Variants in SAMSN1 observed in about 807,000 individuals in gnomAD.
SAMSN1 encodes the protein SAM domain, SH3 domain and nuclear localization signals 1.
SAMSN1 carries 31 observed loss-of-function variants against 42.0 expected under a neutral mutation model. That is an observed-to-expected ratio of 0.74 (90% CI 0.55 to 1.00). The LOEUF is 1.00. SAMSN1 is among the 50% of genes least tolerant of loss of function. The pLI is 0.00. For synonymous variants in SAMSN1, 178 were observed against 151.9 expected (o/e 1.17, Z -1.26); for missense variants, 464 against 439.4 (o/e 1.06, Z -0.50).
chr21:14,613,102 G>T (rs1156889130), intron 3 of SAMSN1, among the ~76,000 whole-genome samples: 7 of 152,080 alleles, frequency 4.6e-5, no homozygotes, highest in Non-Finnish European at 8.8e-5. Flanking sequence ...TACAATTTGG[G>T]TCTGTAAATT....
rs564110584 is a variant in SAMSN1 at position 14,506,961 on chromosome 21, G to A, written c.561+3349C>T. 2.8e-4 allele frequency among the ~76,000 whole-genome samples: 42 copies of A among 152,262 alleles called. No homozygotes were observed. The East Asian group carries it at 8.1e-3, about 29-fold the overall frequency. ...CAAAAATCACATGATCATCTCAATA[G>A]ATGCAGAAAAAGCATTAGACAAAAT... On this transcript the variant is annotated intron_variant, in intron 5 of 7. Coordinates refer to ENST00000400566, the MANE Select transcript of SAMSN1 (RefSeq NM_022136.5).
At chr21:14,655,073 T>G (rs1983895080) in intron 1 of SAMSN1, among the ~76,000 whole-genome samples, 1 of 151,480 alleles carries the variant, frequency 6.6e-6, no homozygotes, top group South Asian at 2.1e-4. Context: ...TAAATAAAAA[T>G]GTAATATTAA....
At chr21:14,612,517 A>AT (rs1982734206) in intron 4 of SAMSN1, 3 of 396,884 alleles carry the variant, frequency 7.6e-6, no homozygotes, top group African/African-American at 2.1e-5. Flanking sequence ...CTTTCTGCTA[A>AT]TTTTTTATTG....
chr21:14,574,429 C>T (rs571759076), intron 2 of SAMSN1, among the ~76,000 whole-genome samples: 28 of 152,196 alleles, frequency 1.8e-4, no homozygotes, highest in African/African-American at 6.3e-4. Flanking sequence ...TAAACAAGCA[C>T]AGAGTGAAAA....
At chr21:14,492,671 A>C (rs552732522) in intron 7 of SAMSN1, among the ~76,000 whole-genome samples, 1 of 152,290 alleles carries the variant, frequency 6.6e-6, no homozygotes, top group South Asian at 2.1e-4. Context: ...TTCACTGGAA[A>C]TTTTCTGGTA....
intron 1 of SAMSN1, among the ~76,000 whole-genome samples, chr21:14,542,031 G>A (rs1298863238): frequency 6.6e-6 from 1 of 151,508 alleles, no homozygotes; most frequent in Non-Finnish European, 1.5e-5. Context: ...AGGAACGAAC[G>A]GAAAAGAAAG....
In SAMSN1 at chr21:14,500,568, G is replaced by A. The variant is rs1248907032; in HGVS notation, c.729C>T (p.Ser243=). The A allele has an allele frequency of 4.3e-6, 7 of 1,613,856 alleles. No homozygotes were observed. The highest frequency in any genetic ancestry group is 5.9e-6 in the Non-Finnish European group (7 of 1,179,984). ...KANRRSNSKK[S]KTLQEFLERI... is the part of the protein sequence containing the mutation. ...TCTCTAGGAACTCCTGCAGAGTCTT[G>A]GATTTTTTGCTGTTACTCCTTCGGT... The change falls in exon 6 of 8, where the codon TCC becomes TCT. Residue 243 remains serine (S), a synonymous_variant. Transcript: ENST00000400566.
At chr21:14,590,251 A>G (rs967188949) in intron 7 of SAMSN1, among the ~76,000 whole-genome samples, 3 of 127,122 alleles carry the variant, frequency 2.4e-5, no homozygotes, top group Non-Finnish European at 4.9e-5. Flanking sequence ...TTTTGTAATT[A>G]GCATAATTGG....
chr21:14,623,797 C>T (rs1983085439), intron 2 of SAMSN1, among the ~76,000 whole-genome samples: 1 of 152,176 alleles, frequency 6.6e-6, no homozygotes. Context: ...CTACAGAACT[C>T]TCCACCCCAA....
intron 2 of SAMSN1, among the ~76,000 whole-genome samples, chr21:14,624,514 C>G (rs1258997085): frequency 3.3e-5 from 5 of 152,164 alleles, no homozygotes; most frequent in African/African-American, 1.2e-4. Context: ...CGCAAATAAA[C>G]TACAAAATCT....
chr21:14,556,202 G>T (rs1181827947), intron 2 of SAMSN1, among the ~76,000 whole-genome samples: 6 of 152,040 alleles, frequency 3.9e-5, no homozygotes, highest in South Asian at 2.1e-4. Context: ...TATTTTTCAG[G>T]CCTGATCATT....
intron 5 of SAMSN1, among the ~76,000 whole-genome samples, chr21:14,508,876 T>C (rs1287622964): frequency 1.3e-5 from 2 of 152,120 alleles, no homozygotes; most frequent in African/African-American, 4.8e-5. Flanking sequence ...ATGCCTGTAA[T>C]CCCAGCACTT....
rs983962203 is a variant in SAMSN1, at chr21:14,604,494, C to T, written c.323-2395G>A. ...CTTGGGACGCTGAGGCAGAGGAATG[C>T]TTGAGGCCAGGAGTTTCAGATCAGC... is the stretch of plus-strand genomic sequence containing the variant. On this transcript the variant is annotated intron_variant, in intron 5 of 15. Coordinates refer to the SAMSN1 transcript ENST00000647101. 2.0e-5 allele frequency among the ~76,000 whole-genome samples: 3 copies of T among 152,268 alleles called. No individual in the cohort carries two copies. The South Asian group carries it at 6.2e-4, about 32-fold the overall frequency.
chr21:14,619,714 A>T, intron 2 of SAMSN1: 1 of 284,966 alleles, frequency 3.5e-6, no homozygotes. Flanking sequence ...AATAATACAC[A>T]CTTATTTATT....
intron 7 of SAMSN1, among the ~76,000 whole-genome samples, chr21:14,486,953 T>C (rs969199304): frequency 5.9e-5 from 9 of 152,218 alleles, no homozygotes; most frequent in African/African-American, 2.2e-4. Flanking sequence ...CATATTACTC[T>C]TCTCGATTCC....
chr21:14,655,225 A>G (rs186180643), intron 1 of SAMSN1, among the ~76,000 whole-genome samples: 1 of 151,848 alleles, frequency 6.6e-6, no homozygotes, highest in Non-Finnish European at 1.5e-5. Flanking sequence ...GACCTTTCAT[A>G]AGAGAGAATT....
At chr21:14,489,950 T>C (rs185859745) in intron 7 of SAMSN1, among the ~76,000 whole-genome samples, 7 of 152,294 alleles carry the variant, frequency 4.6e-5, no homozygotes, top group Admixed American at 2.0e-4. Context: ...AAAGTGAAGA[T>C]AGTTTTAAGG....
intron 2 of SAMSN1, among the ~76,000 whole-genome samples, chr21:14,624,947 T>A (rs1417533990): frequency 6.6e-6 from 1 of 152,150 alleles, no homozygotes; most frequent in African/African-American, 2.4e-5. Flanking sequence ...GTGGGCTTTG[T>A]CCCTGGGATG....
rs552467562 is a variant in SAMSN1, at chr21:14,630,957, T to C, written c.156+12045A>G. ...AGTGGTTAGAATACCAACTTGGGAG[T>C]CACCTACTTTGACTTCTCCATTACT... is the stretch of plus-strand genomic sequence containing the variant. On this transcript the variant is annotated intron_variant, in intron 2 of 15. Transcript: ENST00000647101. Among the ~76,000 whole-genome samples, 4 of 152,168 alleles carry C rather than the reference T, an allele frequency of 2.6e-5. No individual in the cohort carries two copies. The East Asian group carries it at 5.8e-4, about 22-fold the overall frequency.
Sources: gnomAD v4.1 joint callset for allele counts (sites outside exome capture counted in the v4.1 genomes callset) on GRCh38, gnomAD v4.1.1 for gene constraint, MANE v1.5 for transcripts, NCBI Gene and HGNC (gene_info 2026-07-23, HGNC 2026-07-21) for gene names.